The following NPIPB2 variants were observed in gnomAD, a reference collection of about 807,000 sequenced individuals.
NPIPB2 encodes nuclear pore complex-interacting protein family member B2.
NPIPB2 carries 27 observed loss-of-function variants against 30.8 expected under a neutral mutation model. The ratio of observed to expected loss-of-function variants is 0.88; its 90% CI spans 0.65 to 1.21. The LOEUF (loss-of-function observed/expected upper bound fraction) is 1.21. Ranked by LOEUF, NPIPB2 falls within the 50% of genes most tolerant of loss-of-function variation. NPIPB2 has a pLI of 0.00. For synonymous variants in NPIPB2, 147 were observed against 162.0 expected (o/e 0.91, Z 0.70); for missense variants, 440 against 446.2 (o/e 0.99, Z 0.13).
chr16:11,968,745 C>G (rs1375398891), intron 1 of NPIPB2: 1 of 152,186 alleles, frequency 6.6e-6, no homozygotes, highest in Non-Finnish European at 1.5e-5. Flanking sequence ...CTCAATCATC[C>G]TAGCTGATGC....
chr16:11,948,766 CAAAAAAAAAAA>C (rs34639444), intron 1 of NPIPB2, among the ~76,000 whole-genome samples: 14,434 of 67,442 alleles, frequency 0.21, 1,392 homozygotes, highest in Admixed American at 0.39. Flanking sequence ...GACTCCGTCT[CAAAAAAAAAAA>C]AAAAAAAAAA....
At chr16:11,962,631 C>CAAAAAAA (rs910336057) in intron 1 of NPIPB2, among the ~76,000 whole-genome samples, 3 of 117,508 alleles carry the variant, frequency 2.6e-5, no homozygotes, top group African/African-American at 3.0e-5. Context: ...AAAAAAAAAC[C>CAAAAAAA]AAAAAAAAAG....
intron 1 of NPIPB2, among the ~76,000 whole-genome samples, chr16:11,972,846 G>A (rs1458456018): frequency 6.7e-6 from 1 of 148,678 alleles, no homozygotes; most frequent in African/African-American, 2.5e-5. Flanking sequence ...GCTGGCAACA[G>A]AGCGAGATTC....
chr16:11,938,207 T>C (rs2150914989), intron 1 of NPIPB2, among the ~76,000 whole-genome samples: 1 of 152,240 alleles, frequency 6.6e-6, no homozygotes, highest in Non-Finnish European at 1.5e-5. Context: ...TTAGTAGAGA[T>C]GAGGTTTCAC....
intron 1 of NPIPB2, among the ~76,000 whole-genome samples, chr16:11,955,154 G>A (rs985568092): frequency 1.3e-5 from 2 of 151,800 alleles, no homozygotes; most frequent in African/African-American, 2.4e-5. Context: ...AGGAGTCCGA[G>A]ACCAGCCTGG....
At chr16:11,975,341 G>A (rs1418420647) in intron 1 of NPIPB2, among the ~76,000 whole-genome samples, 1 of 147,060 alleles carries the variant, frequency 6.8e-6, no homozygotes, top group Admixed American at 6.8e-5. Context: ...TAGAGACGGG[G>A]TTTCACCGTT....
rs1208258412 is a variant in NPIPB2, at chr16:11,930,326, C to A, written c.590+124G>T. The A allele has an allele frequency of 9.8e-6, 9 of 923,020 alleles. No individual in the cohort carries two copies. In the Admixed American group the frequency reaches 2.1e-4, roughly 21 times the overall value. The allele number at this position is 923,020 out of a possible 1,614,324, so 57.2% of individuals were successfully genotyped here. On this transcript the variant is annotated intron_variant, in intron 5 of 7. Transcript: ENST00000399147. ...TTTTGTGAACTCTCTCTCTCTCTCACGATATGTCTTCTGACCATTTGTTTC... is the reference window on the plus strand; with the variant it reads ...TTTTGTGAACTCTCTCTCTCTCTCAAGATATGTCTTCTGACCATTTGTTTC...
At chr16:11,967,683 T>G (rs753836462) in intron 1 of NPIPB2, 1 of 1,614,206 alleles carries the variant, frequency 6.2e-7, no homozygotes, top group South Asian at 1.1e-5. Flanking sequence ...CTGTGAAGAC[T>G]GCATCAAGAG....
intron 4 of NPIPB2, among the ~76,000 whole-genome samples, chr16:11,931,337 G>A (rs1280886258): frequency 7.0e-6 from 1 of 143,148 alleles, no homozygotes; most frequent in Non-Finnish European, 1.5e-5. Context: ...GGGTAAGTTT[G>A]CTGTGTTGCC....
chr16:11,972,821 G>A (rs1456488033), intron 1 of NPIPB2, among the ~76,000 whole-genome samples: 5 of 149,656 alleles, frequency 3.3e-5, no homozygotes, highest in South Asian at 2.1e-4. Context: ...CCGAGATCAC[G>A]CCAGTGCATT....
chr16:11,949,685 C>T (rs2055045718), intron 1 of NPIPB2, among the ~76,000 whole-genome samples: 2 of 152,248 alleles, frequency 1.3e-5, no homozygotes, highest in Admixed American at 6.5e-5. Context: ...CCCTGGCTCA[C>T]CTGAGCCAGC....
chr16:11,965,732 T>C (rs2055188208), intron 1 of NPIPB2, among the ~76,000 whole-genome samples: 2 of 152,198 alleles, frequency 1.3e-5, no homozygotes, highest in South Asian at 2.1e-4. Context: ...GTTCATTAAT[T>C]AAGGTGATTG....
chr16:11,943,727 G>C (rs190972529), upstream of NPIPB2, among the ~76,000 whole-genome samples: 1 of 150,412 alleles, frequency 6.6e-6, no homozygotes, highest in Non-Finnish European at 1.5e-5. Context: ...AGCCAGGCAC[G>C]GTGGCTCATG....
chr16:11,952,276 A>T (rs111642197), intron 1 of NPIPB2, among the ~76,000 whole-genome samples: 1 of 151,326 alleles, frequency 6.6e-6, no homozygotes, highest in African/African-American at 2.4e-5. Context: ...TGAACCGGGG[A>T]GGTGGAGCTT....
intron 1 of NPIPB2, among the ~76,000 whole-genome samples, chr16:11,954,679 G>A (rs1161488476): frequency 6.6e-6 from 1 of 151,804 alleles, no homozygotes. Flanking sequence ...AGGCCGAGGC[G>A]GTAGGATCAC....
At chr16:11,974,811 C>A (rs556700554) in intron 1 of NPIPB2, among the ~76,000 whole-genome samples, 1 of 151,886 alleles carries the variant, frequency 6.6e-6, no homozygotes, top group South Asian at 2.1e-4. Context: ...CGGTGGCTCA[C>A]GCCTGTAATC....
At chr16:11,942,506 G>A (rs535381344), upstream of NPIPB2, among the ~76,000 whole-genome samples, 4 of 151,290 alleles carry the variant, frequency 2.6e-5, no homozygotes, top group African/African-American at 7.3e-5. Flanking sequence ...ATCCGAAACC[G>A]AGTGATGATG....
chr16:11,949,493 G>C (rs965944740), intron 1 of NPIPB2, among the ~76,000 whole-genome samples: 14 of 152,162 alleles, frequency 9.2e-5, no homozygotes, highest in Non-Finnish European at 1.3e-4. Context: ...CTCTTGCCAG[G>C]ATTTCTGCTA....
intron 1 of NPIPB2, among the ~76,000 whole-genome samples, chr16:11,960,119 C>CCACAT (rs2055142894): frequency 6.6e-6 from 1 of 152,006 alleles, no homozygotes; most frequent in Non-Finnish European, 1.5e-5. Context: ...TCATATGAGA[C>CCACAT]CACATCTGTC....
Sources: allele counts gnomAD v4.1 joint callset (sites outside exome capture counted in the v4.1 genomes callset), GRCh38; gene constraint gnomAD v4.1.1; transcripts MANE v1.5; gene names NCBI Gene and HGNC (gene_info 2026-07-23, HGNC 2026-07-21).